Variants in TTC7A observed in about 807,000 individuals in gnomAD.
TTC7A encodes tetratricopeptide repeat domain 7A.
A neutral mutation model predicts 103.7 loss-of-function variants in TTC7A; 110 were observed. The observed-to-expected ratio is 1.06, with a 90% CI of 0.91 to 1.24. The LOEUF (loss-of-function observed/expected upper bound fraction) is 1.24, where lower values mean the gene tolerates loss of function less well. TTC7A is among the 50% of genes most tolerant of loss of function. The pLI, the probability that TTC7A is intolerant of heterozygous loss-of-function variation, is 0.00. For synonymous variants in TTC7A, 521 were observed against 467.9 expected (o/e 1.11, Z -1.47); for missense variants, 1,340 against 1,116.3 (o/e 1.20, Z -2.86).
intron 3 of TTC7A, among the ~76,000 whole-genome samples, chr2:46,960,991 G>A (rs923723095): frequency 2.0e-5 from 3 of 152,198 alleles, no homozygotes; most frequent in Non-Finnish European, 4.4e-5. Flanking sequence ...ATTTGTGGAC[G>A]AGTTGTTCAG....
At chr2:46,974,774 C>G (rs915835366) in intron 3 of TTC7A, 199 bp from the exon 4 acceptor site, 22 of 686,238 alleles carry the variant, frequency 3.2e-5, no homozygotes, top group Non-Finnish European at 4.8e-5. Context: ...TCCCCACGTG[C>G]TGTCCCATCG....
intron 17 of TTC7A, 74 bp from the exon 18 acceptor site, chr2:47,051,672 G>C: frequency 6.6e-7 from 1 of 1,517,348 alleles, no homozygotes; most frequent in Non-Finnish European, 8.9e-7. Flanking sequence ...ATGGTGCTGG[G>C]CAATGACTGC....
At chr2:47,046,288 G>A in intron 15 of TTC7A, 27 bp from the exon 16 acceptor site, 2 of 1,590,532 alleles carry the variant, frequency 1.3e-6, no homozygotes, top group South Asian at 1.1e-5. Flanking sequence ...GCTGGGGTGT[G>A]CTGATGGCCA....
intron 5 of TTC7A, among the ~76,000 whole-genome samples, chr2:46,988,743 G>A (rs1272490113): frequency 1.3e-5 from 2 of 152,182 alleles, no homozygotes; most frequent in African/African-American, 2.4e-5. Context: ...AGTTCACATG[G>A]CCAGGAAAAG....
upstream of TTC7A, chr2:46,915,889 G>A: frequency 3.1e-6 from 3 of 980,030 alleles, no homozygotes; most frequent in Non-Finnish European, 3.6e-6. Context: ...GGCCCCTCCC[G>A]CTGGCGGCGG....
At chr2:46,922,554 AG>A (rs34111570) in intron 2 of TTC7A, among the ~76,000 whole-genome samples, 43,217 of 152,010 alleles carry the variant, frequency 0.28, 8,598 homozygotes, top group African/African-American at 0.56. Flanking sequence ...TCCCCAGTCA[AG>A]GGGGCAAGGC....
intron 5 of TTC7A, among the ~76,000 whole-genome samples, chr2:46,988,602 A>G (rs1052103558): frequency 6.6e-6 from 1 of 152,176 alleles, no homozygotes; most frequent in African/African-American, 2.4e-5. Flanking sequence ...TCTTCCCCAA[A>G]TATTTTTTTA....
At chr2:47,026,048 G>A (rs929601253) in intron 14 of TTC7A, among the ~76,000 whole-genome samples, 1 of 152,216 alleles carries the variant, frequency 6.6e-6, no homozygotes, top group Non-Finnish European at 1.5e-5. Flanking sequence ...GAGAGATGGC[G>A]GGCCAGGCCA....
intron 8 of TTC7A, among the ~76,000 whole-genome samples, chr2:46,996,592 C>G (rs1266676110): frequency 6.6e-6 from 1 of 152,148 alleles, no homozygotes; most frequent in Non-Finnish European, 1.5e-5. Context: ...GGGGCTGGTC[C>G]ATGTTGGATC....
chr2:47,012,797 G>C (rs933395501), intron 11 of TTC7A, among the ~76,000 whole-genome samples: 3 of 152,166 alleles, frequency 2.0e-5, no homozygotes, highest in South Asian at 4.1e-4. Flanking sequence ...TGGGTGAAAA[G>C]AGCACCTTTC....
At chr2:47,017,686 C>T (rs1308686769) in intron 11 of TTC7A, among the ~76,000 whole-genome samples, 1 of 152,124 alleles carries the variant, frequency 6.6e-6, no homozygotes, top group African/African-American at 2.4e-5. Context: ...ACTGTGCGGG[C>T]CTGCGGAGGT....
At chr2:46,921,205 A>G (rs1669085445) in intron 2 of TTC7A, among the ~76,000 whole-genome samples, 1 of 152,244 alleles carries the variant, frequency 6.6e-6, no homozygotes, top group South Asian at 2.1e-4. Flanking sequence ...AAAGGCATGC[A>G]GACTGGGAAG....
rs149259234 is a variant in TTC7A, at chr2:47,002,093, CTCT to C, written c.1066-3825_1066-3823del. Among the ~76,000 whole-genome samples, 767 of 152,300 alleles carry C rather than the reference CTCT, an allele frequency of 5.0e-3. 6 individuals carry two copies. The highest frequency in any genetic ancestry group is 0.017 in the African/African-American group (710 of 41,568). On this transcript the variant is annotated intron_variant, in intron 8 of 19. Transcript: ENST00000319190. ...ACTAGCGTTGTTTCTTTGGCTTCTC[CTCT>C]TCTGACCTGCCAGAAGGCTTGCAGT...
At chr2:47,020,553 C>T (rs1329694156) in intron 11 of TTC7A, among the ~76,000 whole-genome samples, 1 of 152,238 alleles carries the variant, frequency 6.6e-6, no homozygotes, top group East Asian at 1.9e-4. Context: ...AGCCCACTGC[C>T]CCGGCTGGCA....
intron 4 of TTC7A, among the ~76,000 whole-genome samples, chr2:46,977,798 C>T (rs1001890564): frequency 1.4e-4 from 21 of 152,190 alleles, no homozygotes; most frequent in African/African-American, 4.6e-4. Flanking sequence ...GTCTGGAACT[C>T]CTGGCCTCAA....
chr2:46,951,513 A>ATCCC (rs1190908328), intron 2 of TTC7A: 10 of 448,450 alleles, frequency 2.2e-5, no homozygotes, highest in East Asian at 1.4e-4. Flanking sequence ...AGAGGAAGTG[A>ATCCC]TCCCTCCCTC....
chr2:47,011,055 C>T (rs1370070026), intron 10 of TTC7A, among the ~76,000 whole-genome samples: 2 of 152,162 alleles, frequency 1.3e-5, no homozygotes, highest in African/African-American at 4.8e-5. Flanking sequence ...AATTTGAATT[C>T]CTTGGGGAGA....
At chr2:46,920,193 T>A (rs548545892) in intron 2 of TTC7A, among the ~76,000 whole-genome samples, 2 of 152,234 alleles carry the variant, frequency 1.3e-5, no homozygotes, top group Non-Finnish European at 2.9e-5. Context: ...TATGTATACA[T>A]TAATACATAA....
At position 47,006,763 on chromosome 2, in the gene TTC7A, G is replaced by T. The variant is rs776053525; in HGVS notation, c.1287+39G>T. The T allele has an allele frequency of 3.4e-6, 5 of 1,489,648 alleles. No individual in the cohort carries two copies. In the Admixed American group the frequency reaches 5.0e-5, roughly 15 times the overall value. 92.3% of individuals were successfully genotyped at this position (1,489,648 alleles called of 1,614,324 possible). On this transcript the variant is annotated intron_variant, in intron 10 of 19. Transcript: ENST00000319190. Reference sequence around the variant, plus strand: ...GGCGCTAGGGGTTGCACACTCACCCGCAGGGGGCTCTGCTGAGATGGACAG... The same window carrying T: ...GGCGCTAGGGGTTGCACACTCACCCTCAGGGGGCTCTGCTGAGATGGACAG...
Sources: allele counts gnomAD v4.1 joint callset (sites outside exome capture counted in the v4.1 genomes callset), GRCh38; gene constraint gnomAD v4.1.1; transcripts MANE v1.5; gene names NCBI Gene and HGNC (gene_info 2026-07-23, HGNC 2026-07-21).